Variants in AGBL4 observed in about 807,000 individuals in gnomAD.
AGBL4 encodes AGBL carboxypeptidase 4.
In AGBL4, 58 loss-of-function variants were observed where a neutral mutation model predicts 66.4. That is an observed-to-expected ratio of 0.87 (90% CI 0.71 to 1.09). AGBL4 has a LOEUF of 1.09. Ranked by LOEUF, AGBL4 falls within the 50% of genes least tolerant of loss-of-function variation. The pLI, the probability that AGBL4 is intolerant of heterozygous loss-of-function variation, is 0.00. For synonymous variants in AGBL4, 234 were observed against 222.9 expected, an observed-to-expected ratio of 1.05 and a Z score of -0.44; for missense variants, 579 against 631.0, an observed-to-expected ratio of 0.92 and a Z score of 0.88.
chr1:49,980,353 G>A lies in AGBL4; in HGVS notation c.34+43410C>T, dbSNP rs77916822. 6.4e-3 allele frequency among the ~76,000 whole-genome samples: 968 copies of A among 152,050 alleles called. 7 individuals are homozygous for A. Among genetic ancestry groups the A allele is most frequent in the African/African-American group, 0.022 (923 of 41,480 alleles). ...TCATATTATCATGCAACAGATCTCCGGAACTTTTTCATTTTGCAAAACTGA... is the reference window on the plus strand; with the variant it reads ...TCATATTATCATGCAACAGATCTCCAGAACTTTTTCATTTTGCAAAACTGA... On this transcript the variant is annotated intron_variant, in intron 1 of 13. Transcript: ENST00000371839.
At chr1:48,801,841 G>A (rs569377718) in intron 6 of AGBL4, among the ~76,000 whole-genome samples, 1 of 152,066 alleles carries the variant, frequency 6.6e-6, no homozygotes, top group Admixed American at 6.5e-5. Flanking sequence ...TGTTCTGGCC[G>A]GGAGCTGCAC....
intron 6 of AGBL4, among the ~76,000 whole-genome samples, chr1:48,755,166 G>A (rs1167937431): frequency 6.6e-6 from 1 of 152,104 alleles, no homozygotes; most frequent in East Asian, 1.9e-4. Flanking sequence ...CCACCTTTCT[G>A]ACCCCAACCT....
At chr1:49,078,516 T>C (rs1356288870) in intron 4 of AGBL4, among the ~76,000 whole-genome samples, 1 of 152,166 alleles carries the variant, frequency 6.6e-6, no homozygotes, top group East Asian at 1.9e-4. Flanking sequence ...TTCTGTCATA[T>C]CCTACCTTAA....
At chr1:49,940,032 G>C (rs1050392650) in intron 1 of AGBL4, among the ~76,000 whole-genome samples, 3 of 152,144 alleles carry the variant, frequency 2.0e-5, no homozygotes, top group Non-Finnish European at 2.9e-5. Context: ...CCATCAAAAA[G>C]TGGGTGAAGG....
chr1:49,510,520 C>T (rs1315097185), intron 3 of AGBL4, among the ~76,000 whole-genome samples: 2 of 150,332 alleles, frequency 1.3e-5, no homozygotes, highest in Non-Finnish European at 3.0e-5. Context: ...AAATTTTCTC[C>T]CATGTTGTAG....
chr1:49,997,597 C>T (rs1168087622), intron 1 of AGBL4, among the ~76,000 whole-genome samples: 1 of 151,930 alleles, frequency 6.6e-6, no homozygotes, highest in Non-Finnish European at 1.5e-5. Flanking sequence ...GACATGAACA[C>T]AATAATAGTG....
chr1:49,021,026 A>G (rs1663204689), intron 5 of AGBL4, among the ~76,000 whole-genome samples: 1 of 152,232 alleles, frequency 6.6e-6, no homozygotes, highest in Non-Finnish European at 1.5e-5. Context: ...ACAATATTGC[A>G]CTGCCCTAGA....
chr1:48,706,722 T>G (rs1390603427), intron 6 of AGBL4, among the ~76,000 whole-genome samples: 5 of 152,158 alleles, frequency 3.3e-5, no homozygotes, highest in African/African-American at 1.2e-4. Context: ...CTCCATAAAT[T>G]TTTGTTAAAT....
intron 3 of AGBL4, among the ~76,000 whole-genome samples, chr1:49,487,155 C>T (rs1339205584): frequency 6.6e-6 from 1 of 151,928 alleles, no homozygotes; most frequent in Non-Finnish European, 1.5e-5. Flanking sequence ...ATGCTATGCT[C>T]ATTATGCTAT....
chr1:49,734,141 C>G (rs1444483976), intron 2 of AGBL4, among the ~76,000 whole-genome samples: 1 of 152,042 alleles, frequency 6.6e-6, no homozygotes, highest in Non-Finnish European at 1.5e-5. Flanking sequence ...TTTCCTCAAA[C>G]TGTATATGTG....
intron 3 of AGBL4, among the ~76,000 whole-genome samples, chr1:49,253,749 C>T (rs113482275): frequency 0.021 from 3,234 of 151,734 alleles, 125 homozygotes; most frequent in African/African-American, 0.075. Context: ...TTGATGAACA[C>T]TGACGCAAAA....
intron 5 of AGBL4, among the ~76,000 whole-genome samples, chr1:48,958,149 C>T (rs538087740): frequency 3.3e-5 from 5 of 152,150 alleles, no homozygotes; most frequent in Admixed American, 2.0e-4. Context: ...TGAGCCACTG[C>T]GCCTGGCCTC....
intron 4 of AGBL4, among the ~76,000 whole-genome samples, chr1:49,201,062 A>G (rs1274266105): frequency 6.6e-6 from 1 of 152,210 alleles, no homozygotes; most frequent in African/African-American, 2.4e-5. Context: ...GATATCAGGA[A>G]AAAAGAGGGA....
chr1:50,005,715 C>T (rs1661074033), intron 1 of AGBL4, among the ~76,000 whole-genome samples: 1 of 152,094 alleles, frequency 6.6e-6, no homozygotes, highest in African/African-American at 2.4e-5. Context: ...TCAGAGAATT[C>T]AAAATAGCTG....
intron 3 of AGBL4, among the ~76,000 whole-genome samples, chr1:49,464,743 G>A (rs1234392252): frequency 5.9e-5 from 9 of 151,378 alleles, no homozygotes; most frequent in Non-Finnish European, 1.3e-4. Flanking sequence ...CCCAAGCCAC[G>A]AATAGAAAAA....
At chr1:49,940,076 A>T (rs1234416503) in intron 1 of AGBL4, among the ~76,000 whole-genome samples, 5 of 152,252 alleles carry the variant, frequency 3.3e-5, no homozygotes, top group Non-Finnish European at 5.9e-5. Context: ...GAAGACATTT[A>T]TGCAGCCAAC....
chr1:48,674,264 T>C (rs1258981924), intron 6 of AGBL4, among the ~76,000 whole-genome samples: 1 of 152,174 alleles, frequency 6.6e-6, no homozygotes, highest in Non-Finnish European at 1.5e-5. Flanking sequence ...TGGCCGCATA[T>C]CTACCATGTC....
intron 6 of AGBL4, among the ~76,000 whole-genome samples, chr1:48,808,544 C>T (rs1645979725): frequency 6.6e-6 from 1 of 152,094 alleles, no homozygotes; most frequent in Non-Finnish European, 1.5e-5. Context: ...GAGGCCTAAG[C>T]TGCATATGAG....
intron 2 of AGBL4, among the ~76,000 whole-genome samples, chr1:49,787,451 C>G (rs1386918851): frequency 6.7e-6 from 1 of 148,776 alleles, no homozygotes; most frequent in Non-Finnish European, 1.5e-5. Context: ...TGCAGCGAGC[C>G]GAGATCAAGC....
Sources: gnomAD v4.1 joint callset for allele counts (sites outside exome capture counted in the v4.1 genomes callset) on GRCh38, gnomAD v4.1.1 for gene constraint, MANE v1.5 for transcripts, NCBI Gene and HGNC (gene_info 2026-07-23, HGNC 2026-07-21) for gene names.